The following GIPC2 variants were observed in gnomAD, a reference collection of about 807,000 sequenced individuals.
GIPC2 encodes the protein GIPC PDZ domain containing family member 2, also known as PDZ domain-containing protein GIPC2.
GIPC2 carries 30 observed loss-of-function variants against 30.6 expected under a neutral mutation model. That is an observed-to-expected ratio of 0.98 (90% CI 0.73 to 1.33). The LOEUF (loss-of-function observed/expected upper bound fraction) is 1.33. GIPC2 is among the 40% of genes most tolerant of loss of function. The pLI is 0.00. For synonymous variants in GIPC2, 167 were observed against 150.0 expected, an observed-to-expected ratio of 1.11 and a Z score of -0.83; for missense variants, 414 against 390.3, an observed-to-expected ratio of 1.06 and a Z score of -0.51.
chr1:78,132,665 A>ATGTGTGTGTGTG (rs61463492), intron 5 of GIPC2, among the ~76,000 whole-genome samples: 7,783 of 142,598 alleles, frequency 0.055, 257 homozygotes, highest in Non-Finnish European at 0.064. Context: ...ATAGCCAAGG[A>ATGTGTGTGTGTG]TGTGTGTGTG....
At chr1:78,092,074 C>G (rs975646173) in intron 2 of GIPC2, 2 of 1,494,170 alleles carry the variant, frequency 1.3e-6, no homozygotes, top group Non-Finnish European at 9.3e-7. Flanking sequence ...CAGCTTCACC[C>G]CCCGGCTTTG....
At chr1:78,093,286 C>A (rs1217448018) in intron 2 of GIPC2, among the ~76,000 whole-genome samples, 1 of 152,116 alleles carries the variant, frequency 6.6e-6, no homozygotes, top group South Asian at 2.1e-4. Context: ...TTGAGAAACT[C>A]TAGTTGTACT....
At chr1:78,076,277 T>A (rs1463565738) in intron 1 of GIPC2, among the ~76,000 whole-genome samples, 2 of 152,194 alleles carry the variant, frequency 1.3e-5, no homozygotes, top group Non-Finnish European at 2.9e-5. Flanking sequence ...TCTAGCACAA[T>A]AATAACAATT....
At chr1:78,120,264 C>T (rs1662654835) in intron 4 of GIPC2, among the ~76,000 whole-genome samples, 1 of 152,206 alleles carries the variant, frequency 6.6e-6, no homozygotes, top group Admixed American at 6.5e-5. Flanking sequence ...GCCGTGGCTT[C>T]CTCTGCTTCA....
intron 1 of GIPC2, among the ~76,000 whole-genome samples, chr1:78,066,290 A>G (rs2100313965): frequency 6.6e-6 from 1 of 152,368 alleles, no homozygotes; most frequent in Non-Finnish European, 1.5e-5. Context: ...AAAAAAGCTT[A>G]ACATCACTGA....
At chr1:78,125,986 G>A (rs1662774554) in intron 5 of GIPC2, 24 bp downstream of exon 5, 1 of 1,075,106 alleles carries the variant, frequency 9.3e-7, no homozygotes, top group Admixed American at 1.7e-5. Context: ...ATTTAAAAAA[G>A]TCTTATATCT....
intron 4 of GIPC2, among the ~76,000 whole-genome samples, chr1:78,121,120 G>T (rs1662673235): frequency 6.6e-6 from 1 of 152,218 alleles, no homozygotes; most frequent in South Asian, 2.1e-4. Context: ...ATAGGTCAGT[G>T]TTTGAGTGAA....
chr1:78,091,503 C>T, intron 2 of GIPC2: 2 of 717,772 alleles, frequency 2.8e-6, no homozygotes, highest in East Asian at 2.5e-5. Flanking sequence ...GCGCTAATGG[C>T]TCCCAAAGGC....
intron 1 of GIPC2, among the ~76,000 whole-genome samples, chr1:78,050,210 A>G (rs1362199636): frequency 1.3e-5 from 2 of 152,080 alleles, no homozygotes; most frequent in African/African-American, 2.4e-5. Context: ...TTCCAAGTCT[A>G]TTACATAGCA....
At chr1:78,126,161 A>G (rs1440569459) in intron 5 of GIPC2, among the ~76,000 whole-genome samples, 199 bp downstream of exon 5, 1 of 152,224 alleles carries the variant, frequency 6.6e-6, no homozygotes, top group African/African-American at 2.4e-5. Context: ...TGCCAAGTAA[A>G]CTTTAAAACA....
intron 2 of GIPC2, among the ~76,000 whole-genome samples, chr1:78,084,770 T>C (rs1261324226): frequency 5.3e-5 from 8 of 152,266 alleles, no homozygotes; most frequent in African/African-American, 1.9e-4. Context: ...TAGTTAGGGA[T>C]TTTTGTACAT....
chr1:78,112,986 A>G (rs1662499438), intron 3 of GIPC2, among the ~76,000 whole-genome samples: 1 of 152,200 alleles, frequency 6.6e-6, no homozygotes, highest in Admixed American at 6.5e-5. Context: ...GCATGTAAGA[A>G]ACCGGCACTC....
In GIPC2 at chr1:78,119,462, G is replaced by A. The variant is rs1488814325; in HGVS notation, c.677G>A (p.Arg226His). The stretch of plus-strand genomic sequence containing the variant: ...ATTGGTTGTGGAAGGGCAACACTTC[G>A]CCTGAGATCAAAAGGTCCTGCCACC... Reference protein sequence around the residue: ...EKIGCGRATLRLRSKGPATVE... With the variant: ...EKIGCGRATLHLRSKGPATVE... The change falls in exon 4 of 6, where the codon CGC becomes CAC. Residue 226 changes from arginine (R) to histidine (H), a missense_variant. By Grantham distance (29) the Arg-to-His change is conservative (BLOSUM62 0). Transcript: ENST00000370759. 2.0e-5 allele frequency: 33 copies of A among 1,612,376 alleles called. No individual in the cohort carries two copies. The highest frequency in any genetic ancestry group is 6.7e-5 in the Admixed American group (4 of 59,982).
intron 3 of GIPC2, among the ~76,000 whole-genome samples, chr1:78,109,524 C>G (rs981456131): frequency 1.3e-5 from 2 of 152,198 alleles, no homozygotes; most frequent in African/African-American, 4.8e-5. Context: ...AATCATTTCA[C>G]TTTTCCAAGC....
chr1:78,053,364 C>A (rs557377342), intron 1 of GIPC2, among the ~76,000 whole-genome samples: 9 of 152,284 alleles, frequency 5.9e-5, no homozygotes, highest in Admixed American at 5.2e-4. Flanking sequence ...CCAGAACAAA[C>A]CCATGCTTTG....
At chr1:78,124,662 G>T (rs959393305) in intron 4 of GIPC2, among the ~76,000 whole-genome samples, 4 of 152,062 alleles carry the variant, frequency 2.6e-5, no homozygotes, top group Non-Finnish European at 4.4e-5. Context: ...CCTATCTATT[G>T]CATCCTACTT....
At chr1:78,067,046 A>C (rs2100316306) in intron 1 of GIPC2, among the ~76,000 whole-genome samples, 1 of 152,330 alleles carries the variant, frequency 6.6e-6, no homozygotes, top group Admixed American at 6.5e-5. Context: ...AAATCATGTA[A>C]AATTGAGTAG....
At chr1:78,045,533 G>C (rs1661051615), upstream of GIPC2, 1 of 984,794 alleles carries the variant, frequency 1.0e-6, no homozygotes, top group Non-Finnish European at 1.2e-6. Context: ...ACCCGGCTGA[G>C]GGGGTTTATG....
intron 3 of GIPC2, among the ~76,000 whole-genome samples, chr1:78,106,829 T>C (rs1359108371): frequency 2.0e-5 from 3 of 151,236 alleles, no homozygotes; most frequent in Non-Finnish European, 4.4e-5. Flanking sequence ...TACAGGCATG[T>C]ACCACCATGA....
Sources: gnomAD v4.1 joint callset for allele counts (sites outside exome capture counted in the v4.1 genomes callset) on GRCh38, gnomAD v4.1.1 for gene constraint, MANE v1.5 for transcripts, NCBI Gene and HGNC (gene_info 2026-07-23, HGNC 2026-07-21) for gene names.